The following MLYCD variants were observed in gnomAD, a reference collection of about 807,000 sequenced individuals.
MLYCD encodes the protein malonyl-CoA decarboxylase, mitochondrial.
MLYCD carries 27 observed loss-of-function variants against 35.8 expected under a neutral mutation model. That is an observed-to-expected ratio of 0.75 (90% CI 0.56 to 1.04). MLYCD has a LOEUF of 1.04. Ranked by LOEUF, MLYCD falls within the 50% of genes least tolerant of loss-of-function variation. The probability of loss-of-function intolerance (pLI) is 0.00; values close to 1 mark genes in which losing one functional copy is unlikely to be tolerated. For missense variants in MLYCD, 917 were observed against 665.1 expected, an observed-to-expected ratio of 1.38 and a Z score of -4.17; for synonymous variants, 403 against 302.4, an observed-to-expected ratio of 1.33 and a Z score of -3.45.
intron 3 of MLYCD, among the ~76,000 whole-genome samples, chr16:83,909,361 C>T (rs1907091184): frequency 1.3e-5 from 2 of 152,068 alleles, no homozygotes; most frequent in South Asian, 2.1e-4. Context: ...TCCAGGAGGG[C>T]GCTGTAGACA....
intron 1 of MLYCD, among the ~76,000 whole-genome samples, chr16:83,901,010 C>G (rs958859874): frequency 6.6e-6 from 1 of 152,166 alleles, no homozygotes; most frequent in African/African-American, 2.4e-5. Context: ...TACTTAGATG[C>G]ATAAAATTGG....
Position 83,899,474 on chromosome 16 carries a change from C to T in MLYCD, c.330C>T (p.Leu110=), listed in dbSNP as rs764049868. The change falls in exon 1 of 5, where the codon CTC becomes CTT. Residue 110 remains leucine, a synonymous_variant. Transcript: ENST00000262430. ...TGGCGGAGCAGAGCGCCGGCGTGCT[C>T]CATCTGCGCCAGCAGCAGCGGGAGG... The part of the protein sequence containing the change: ...GQVAEQSAGV[L]HLRQQQREAA... The T allele has an allele frequency of 6.4e-7, 1 of 1,554,012 alleles. No homozygotes were observed. The highest frequency in any genetic ancestry group is 1.2e-5 in the South Asian group (1 of 86,282).
At chr16:83,902,146 T>C (rs569366647) in intron 1 of MLYCD, among the ~76,000 whole-genome samples, 78 of 123,018 alleles carry the variant, frequency 6.3e-4, no homozygotes, top group Admixed American at 3.6e-3. Context: ...TGTGTGTGTG[T>C]GTGCGTGCGT....
At chr16:83,914,793 G>A in intron 4 of MLYCD, 163 bp from the exon 5 acceptor site, 1 of 1,077,450 alleles carries the variant, frequency 9.3e-7, no homozygotes, top group Non-Finnish European at 1.4e-6. Context: ...AGGAAAAAAA[G>A]AAAAGCTGCT....
intron 1 of MLYCD, 47 bp from the exon 2 acceptor site, chr16:83,906,940 T>C: frequency 6.7e-7 from 1 of 1,486,116 alleles, no homozygotes; most frequent in Non-Finnish European, 9.4e-7. Flanking sequence ...GAGATGGGCT[T>C]GATCTGTCGC....
intron 2 of MLYCD, among the ~76,000 whole-genome samples, chr16:83,907,616 G>A (rs1438731384): frequency 5.9e-5 from 9 of 152,164 alleles, no homozygotes; most frequent in African/African-American, 9.7e-5. Context: ...ATTACATGTT[G>A]TCCCATGGAA....
At position 83,912,306 on chromosome 16, in the gene MLYCD, A is replaced by G; in HGVS notation, c.887A>G (p.Gln296Arg). ...TTTTATTCCATCAGCTTGACCCAGC[A>G]GGGACTCCAAGGGGTGGAGCTGGGA... ...AIFYSISLTQ[Q>R]GLQGVELGTF... The change falls in exon 4 of 5, where the codon CAG becomes CGG. Residue 296 changes from glutamine (Q) to arginine (R), a missense_variant. Coordinates refer to ENST00000262430, the MANE Select transcript of MLYCD (RefSeq NM_012213.3). 6 of 1,614,230 alleles carry G rather than the reference A, an allele frequency of 3.7e-6. No homozygotes were observed. The highest frequency in any genetic ancestry group is 5.1e-6 in the Non-Finnish European group (6 of 1,180,042).
chr16:83,902,714 C>T (rs947832611), intron 1 of MLYCD, among the ~76,000 whole-genome samples: 4 of 152,114 alleles, frequency 2.6e-5, no homozygotes, highest in African/African-American at 9.7e-5. Flanking sequence ...CTATGTTGGC[C>T]AGGCTGGTCT....
rs750505922 is a variant in MLYCD at position 83,915,416 on chromosome 16, G to A, written c.1409G>A (p.Gly470Asp). The change falls in exon 5 of 5, where the codon GGC (glycine) becomes GAC (aspartate). Residue 470 changes from glycine (G) to aspartate (D), a missense_variant. By Grantham distance (94) the Gly-to-Asp change is moderately conservative. Coordinates refer to ENST00000262430, the MANE Select transcript of MLYCD (RefSeq NM_012213.3). Reference sequence around the variant, plus strand: ...GGCCCCAACAGCACCTCCTACCTCGGCTCCAAGATCATCAAAGCCTCTGAG... The same window carrying A: ...GGCCCCAACAGCACCTCCTACCTCGACTCCAAGATCATCAAAGCCTCTGAG... ...ETGPNSTSYL[G>D]SKIIKASEQV... is the part of the protein sequence containing the mutation. 1.2e-6 allele frequency: 2 copies of A among 1,613,770 alleles called. No individual in the cohort carries two copies. The highest frequency in any genetic ancestry group is 1.1e-5 in the South Asian group (1 of 91,086).
Position 83,899,247 on chromosome 16 carries a change from G to C in MLYCD, c.103G>C (p.Ala35Pro). ...GCTGGCGAGCGGGCAGGCGGCCGGC[G>C]CCCTGGAGCGGGCCATGGACGAGCT... ...PRLASGQAAG[A>P]LERAMDELLR... Residue 35 changes from alanine (A) to proline (P), a missense_variant, in exon 1 of 5, where the codon GCC (alanine) becomes CCC (proline). Coordinates refer to ENST00000262430, the MANE Select transcript of MLYCD (RefSeq NM_012213.3). 7 of 1,295,214 alleles carry C rather than the reference G, an allele frequency of 5.4e-6. No homozygotes were observed. The highest frequency in any genetic ancestry group is 6.8e-6 in the Non-Finnish European group (7 of 1,026,062). 80.2% of individuals were successfully genotyped at this position (1,295,214 alleles called of 1,614,324 possible).
At chr16:83,903,517 A>G (rs985927410) in intron 1 of MLYCD, among the ~76,000 whole-genome samples, 10 of 151,740 alleles carry the variant, frequency 6.6e-5, no homozygotes, top group Admixed American at 5.9e-4. Flanking sequence ...TGGACAAGGG[A>G]AGGTAACTTT....
Position 83,924,993 on chromosome 16 carries a change from T to G in MLYCD, c.*9504T>G, listed in dbSNP as rs187114219. 7.0e-4 allele frequency: 107 copies of G among 152,404 alleles called. No individual in the cohort carries two copies. The highest frequency in any genetic ancestry group is 3.4e-3 in the Middle Eastern group (1 of 294). 9.4% of individuals were successfully genotyped at this position (152,404 alleles called of 1,614,324 possible). ...TCCTTCTCTAAGGATCTCACCCCCA[T>G]CCGTGTCTCTGCTGTCTCCTAACTA... On this transcript the variant is annotated 3_prime_UTR_variant, in exon 5 of 5. Coordinates refer to ENST00000262430, the MANE Select transcript of MLYCD (RefSeq NM_012213.3).
At chr16:83,902,670 T>C (rs1472573427) in intron 1 of MLYCD, among the ~76,000 whole-genome samples, 1 of 152,066 alleles carries the variant, frequency 6.6e-6, no homozygotes, top group African/African-American at 2.4e-5. Context: ...CACATCTGGC[T>C]AATTTTTGTA....
At chr16:83,907,196 A>C (rs1907010267) in intron 2 of MLYCD, 97 bp downstream of exon 2, 2 of 1,057,722 alleles carry the variant, frequency 1.9e-6, no homozygotes, top group African/African-American at 1.6e-5. Flanking sequence ...CTCCATTCAT[A>C]TGTACAGTTT....
intron 3 of MLYCD, among the ~76,000 whole-genome samples, chr16:83,908,960 G>C (rs1597291646): frequency 1.3e-5 from 2 of 152,234 alleles, no homozygotes; most frequent in Admixed American, 6.5e-5. Context: ...ATGAGTGGCT[G>C]TTAGGAAGCT....
chr16:83,907,304 A>G (rs1056275584), intron 2 of MLYCD, among the ~76,000 whole-genome samples: 3 of 152,208 alleles, frequency 2.0e-5, no homozygotes, highest in African/African-American at 4.8e-5. Flanking sequence ...AAGGGCACCA[A>G]GAGAAACTGA....
At position 83,923,363 on chromosome 16, in the gene MLYCD, C is replaced by A. The variant is rs1417348145; in HGVS notation, c.*7874C>A. 1.3e-5 allele frequency: 2 copies of A among 152,240 alleles called. No homozygotes were observed. The highest frequency in any genetic ancestry group is 2.9e-5 in the Non-Finnish European group (2 of 68,040). The allele number at this position is 152,240 out of a possible 1,614,324, so 9.4% of individuals were successfully genotyped here. ...ACAGAAATATGAAGTCCATTTTGAT[C>A]TACTCTTAGAAACAAAAGCTGCCCA... On this transcript the variant is annotated 3_prime_UTR_variant, in exon 5 of 5. Coordinates refer to ENST00000262430, the MANE Select transcript of MLYCD (RefSeq NM_012213.3).
chr16:83,915,144 C>T lies in MLYCD; in HGVS notation c.1137C>T (p.Leu379=). The change falls in exon 5 of 5, where the codon CTC becomes CTT. Residue 379 remains leucine, a synonymous_variant. Transcript: ENST00000262430. ...GPINETLKLL[L]SSSEWVQSEK... is the part of the protein sequence containing the mutation. ...TTAACGAGACCCTCAAGCTCCTCCTCAGCAGCAGCGAGTGGGTGCAGTCGG... is the reference window on the plus strand; with the variant it reads ...TTAACGAGACCCTCAAGCTCCTCCTTAGCAGCAGCGAGTGGGTGCAGTCGG... 1.2e-6 allele frequency: 2 copies of T among 1,614,256 alleles called. No homozygotes were observed. Among genetic ancestry groups the T allele is most frequent in the African/African-American group, 1.3e-5 (1 of 75,078 alleles).
chr16:83,909,156 G>T (rs1421537869), intron 3 of MLYCD, among the ~76,000 whole-genome samples: 1 of 152,164 alleles, frequency 6.6e-6, no homozygotes, highest in African/African-American at 2.4e-5. Context: ...GGGCCATTCT[G>T]ACTTCTCTGA....
Sources: allele counts gnomAD v4.1 joint callset (sites outside exome capture counted in the v4.1 genomes callset), GRCh38; gene constraint gnomAD v4.1.1; transcripts MANE v1.5; gene names NCBI Gene and HGNC (gene_info 2026-07-23, HGNC 2026-07-21).